The following BMPR1B variants were observed in gnomAD, a reference collection of about 807,000 sequenced individuals.
The protein encoded by BMPR1B is bone morphogenetic protein receptor type-1B.
A neutral mutation model predicts 59.1 loss-of-function variants in BMPR1B; 12 were observed. That is an observed-to-expected ratio of 0.20 (90% confidence interval 0.13 to 0.33). BMPR1B has a LOEUF of 0.33. Among genes scored for constraint, BMPR1B ranks in the 10% least tolerant of loss-of-function variants. The pLI is 1.00. For synonymous variants in BMPR1B, 237 were observed against 207.3 expected, an observed-to-expected ratio of 1.14 and a Z score of -1.23; for missense variants, 550 against 610.9, an observed-to-expected ratio of 0.90 and a Z score of 1.05.
chr4:94,917,285 C>T (rs1202376760), intron 2 of BMPR1B, among the ~76,000 whole-genome samples: 1 of 152,190 alleles, frequency 6.6e-6, no homozygotes. Context: ...GGGCTGCTCT[C>T]CTCCAGACCA....
chr4:94,926,458 T>C (rs1728893980), intron 2 of BMPR1B, among the ~76,000 whole-genome samples: 1 of 152,110 alleles, frequency 6.6e-6, no homozygotes, highest in South Asian at 2.1e-4. Context: ...ACAATTTTTA[T>C]TTAAGGCCAA....
In BMPR1B at chr4:95,131,291, T is replaced by C. The variant is rs777207290; in HGVS notation, c.855T>C (p.Gly285=). The change falls in exon 10 of 13, where the codon GGT becomes GGC. Residue 285 remains glycine, a synonymous_variant. Transcript: ENST00000515059. ...LYLITDYHEN[G]SLYDYLKSTT... is the part of the protein sequence containing the mutation. ...TAATCACAGACTATCATGAAAATGG[T>C]TCCCTTTATGATTATCTGAAGTCCA... 1.9e-6 allele frequency: 3 copies of C among 1,613,698 alleles called. No individual in the cohort carries two copies. Among genetic ancestry groups the C allele is most frequent in the East Asian group, 2.2e-5 (1 of 44,866 alleles).
intron 2 of BMPR1B, 63 bp downstream of exon 2, chr4:94,875,963 A>C (rs1265409380): frequency 6.6e-6 from 1 of 152,600 alleles, no homozygotes; most frequent in African/African-American, 2.4e-5. Flanking sequence ...CTGCTTTTTG[A>C]CACTCCGACT....
intron 2 of BMPR1B, among the ~76,000 whole-genome samples, chr4:94,911,325 A>G (rs915547340): frequency 3.9e-5 from 6 of 152,174 alleles, no homozygotes; most frequent in Admixed American, 6.5e-5. Flanking sequence ...CTAGAAGTCA[A>G]TGTGGGGAGA....
chr4:94,853,501 G>C (rs1725639670), intron 1 of BMPR1B, among the ~76,000 whole-genome samples: 1 of 152,150 alleles, frequency 6.6e-6, no homozygotes, highest in Admixed American at 6.5e-5. Context: ...TATGGAGGCT[G>C]TATCTTATAG....
At chr4:94,860,159 A>G (rs1053989026) in intron 1 of BMPR1B, among the ~76,000 whole-genome samples, 3 of 152,186 alleles carry the variant, frequency 2.0e-5, no homozygotes, top group Non-Finnish European at 2.9e-5. Context: ...TGTAAGTTGA[A>G]AGAATTTAAC....
chr4:95,152,448 G>A (rs2149330257), intron 11 of BMPR1B, among the ~76,000 whole-genome samples, 195 bp from the exon 12 acceptor site: 1 of 152,102 alleles, frequency 6.6e-6, no homozygotes, highest in Non-Finnish European at 1.5e-5. Context: ...TTTTCATTGG[G>A]CTTTGTATTC....
At chr4:95,140,445 T>A (rs1281044476) in intron 10 of BMPR1B, among the ~76,000 whole-genome samples, 8 of 152,148 alleles carry the variant, frequency 5.3e-5, no homozygotes, top group African/African-American at 1.9e-4. Context: ...ATTTTCTCCT[T>A]ATATATTCCA....
intron 2 of BMPR1B, among the ~76,000 whole-genome samples, chr4:94,990,368 A>G (rs1445374941): frequency 6.6e-6 from 1 of 152,182 alleles, no homozygotes; most frequent in Non-Finnish European, 1.5e-5. Context: ...CAAAAAAGAA[A>G]AAGAAAATAT....
rs901410721 is a variant in BMPR1B at position 94,902,082 on chromosome 4, T to G, written c.-113+26182T>G. Among the ~76,000 whole-genome samples the G allele has an allele frequency of 6.0e-5, 8 of 134,002 alleles. 1 individual carries two copies. The highest frequency in any genetic ancestry group is 2.3e-4 in the South Asian group (1 of 4,308). The allele number at this position is 134,002 out of a possible 152,430, so 87.9% of individuals were successfully genotyped here. A position where few individuals can be genotyped will look rare whatever the true frequency, so the allele number is the denominator to read the frequency against. On this transcript the variant is annotated intron_variant, in intron 2 of 12. Coordinates refer to ENST00000515059, the MANE Select transcript of BMPR1B (RefSeq NM_001203.3). Reference sequence around the variant, plus strand: ...GTGTGTGTGTGTGTGTGTGTGTGTGTGTGTGGGGTGTATTTAAAGGAAACA... The same window carrying G: ...GTGTGTGTGTGTGTGTGTGTGTGTGGGTGTGGGGTGTATTTAAAGGAAACA...
chr4:94,902,814 A>T (rs375063277), intron 2 of BMPR1B, among the ~76,000 whole-genome samples: 7 of 151,998 alleles, frequency 4.6e-5, no homozygotes. Context: ...ACTCATCTTC[A>T]CTTTAATGAT....
At chr4:95,012,682 A>G (rs1723306567) in intron 3 of BMPR1B, among the ~76,000 whole-genome samples, 1 of 152,180 alleles carries the variant, frequency 6.6e-6, no homozygotes, top group African/African-American at 2.4e-5. Context: ...TAAACAAACT[A>G]AAATTAATCA....
At chr4:95,085,267 G>A (rs1729489237) in intron 3 of BMPR1B, among the ~76,000 whole-genome samples, 1 of 152,092 alleles carries the variant, frequency 6.6e-6, no homozygotes, top group Non-Finnish European at 1.5e-5. Flanking sequence ...GAAGAGATGG[G>A]ATCCAGCAGA....
At chr4:94,959,064 C>T (rs968239989) in intron 2 of BMPR1B, among the ~76,000 whole-genome samples, 1 of 151,950 alleles carries the variant, frequency 6.6e-6, no homozygotes, top group Non-Finnish European at 1.5e-5. Context: ...ATAAGGGAGA[C>T]CAGATTTTAG....
chr4:94,779,956 T>A (rs1578634231), intron 1 of BMPR1B, among the ~76,000 whole-genome samples: 1 of 152,034 alleles, frequency 6.6e-6, no homozygotes, highest in Non-Finnish European at 1.5e-5. Context: ...TCGTAAAAGT[T>A]CCCCCCCTTC....
chr4:94,916,228 C>T (rs1728478161), intron 2 of BMPR1B, among the ~76,000 whole-genome samples: 2 of 152,122 alleles, frequency 1.3e-5, no homozygotes, highest in South Asian at 2.1e-4. Context: ...AATGTGGAAG[C>T]AGCTTTGGAA....
At chr4:95,091,152 C>T (rs1422799087) in intron 3 of BMPR1B, among the ~76,000 whole-genome samples, 1 of 152,068 alleles carries the variant, frequency 6.6e-6, no homozygotes, top group African/African-American at 2.4e-5. Flanking sequence ...AGATATTTTT[C>T]TGCCTTGCAT....
intron 3 of BMPR1B, among the ~76,000 whole-genome samples, chr4:95,009,535 A>C (rs558165651): frequency 2.0e-5 from 3 of 152,316 alleles, no homozygotes; most frequent in Admixed American, 2.0e-4. Context: ...AAATACATAC[A>C]ACATGATTCT....
At chr4:94,899,885 C>A (rs904059911) in intron 2 of BMPR1B, among the ~76,000 whole-genome samples, 2 of 151,994 alleles carry the variant, frequency 1.3e-5, no homozygotes, top group African/African-American at 2.4e-5. Flanking sequence ...TGTTCGCCCA[C>A]ACATGGTACA....
Sources: gnomAD v4.1 joint callset for allele counts (sites outside exome capture counted in the v4.1 genomes callset) on GRCh38, gnomAD v4.1.1 for gene constraint, MANE v1.5 for transcripts, NCBI Gene and HGNC (gene_info 2026-07-23, HGNC 2026-07-21) for gene names.